Variants in FSTL5 observed in about 807,000 individuals in gnomAD.
FSTL5 encodes the protein follistatin-related protein 5.
Under a neutral mutation model 89.1 loss-of-function variants are expected in FSTL5, and 62 were observed. That is an observed-to-expected ratio of 0.70 (90% CI 0.57 to 0.86). The LOEUF is 0.86. Ranked by LOEUF, FSTL5 falls within the 40% of genes least tolerant of loss-of-function variation. The probability of loss-of-function intolerance (pLI) is 0.00; values close to 1 mark genes in which losing one functional copy is unlikely to be tolerated. For synonymous variants in FSTL5, 383 were observed against 346.2 expected (o/e 1.11, Z -1.18); for missense variants, 1,057 against 1,001.6 (o/e 1.06, Z -0.75).
chr4:161,888,941 C>T (rs369297100), intron 4 of FSTL5, among the ~76,000 whole-genome samples: 1 of 151,968 alleles, frequency 6.6e-6, no homozygotes, highest in East Asian at 1.9e-4. Flanking sequence ...AAGCATTTCA[C>T]AAAACATGGC....
chr4:161,730,006 G>A (rs1245956221), intron 6 of FSTL5, among the ~76,000 whole-genome samples: 1 of 152,156 alleles, frequency 6.6e-6, no homozygotes, highest in Admixed American at 6.5e-5. Flanking sequence ...TATTTTTCAT[G>A]AAAGTATAGG....
At position 161,586,908 on chromosome 4, in the gene FSTL5, A is replaced by T. The variant is rs551606468; in HGVS notation, c.1015+547T>A. Reference sequence around the variant, plus strand: ...AATAAATTATGGAAATGAAATATTTACTAATCAGTCATATGTGTAATCCTG... The same window carrying T: ...AATAAATTATGGAAATGAAATATTTTCTAATCAGTCATATGTGTAATCCTG... On this transcript the variant is annotated intron_variant, in intron 8 of 15. Coordinates refer to ENST00000306100, the MANE Select transcript of FSTL5 (RefSeq NM_020116.5). Among the ~76,000 whole-genome samples, 3 of 152,360 alleles carry T rather than the reference A, an allele frequency of 2.0e-5. No individual in the cohort carries two copies. The South Asian group carries it at 6.2e-4, about 32-fold the overall frequency.
intron 7 of FSTL5, among the ~76,000 whole-genome samples, chr4:161,629,191 A>G (rs928108218): frequency 5.3e-5 from 8 of 152,254 alleles, no homozygotes; most frequent in Middle Eastern, 3.4e-3. Flanking sequence ...TGCTTCCTTC[A>G]TGTTTTGACT....
intron 3 of FSTL5, among the ~76,000 whole-genome samples, chr4:162,025,782 T>C (rs1483655761): frequency 2.6e-5 from 4 of 151,984 alleles, no homozygotes; most frequent in African/African-American, 9.7e-5. Context: ...AACTCTAGTG[T>C]ATCATATTTA....
intron 2 of FSTL5, among the ~76,000 whole-genome samples, chr4:162,084,614 T>G (rs1730234896): frequency 6.6e-6 from 1 of 152,110 alleles, no homozygotes; most frequent in Non-Finnish European, 1.5e-5. Flanking sequence ...TTAGTTCATG[T>G]CCTTTGCAGG....
intron 7 of FSTL5, among the ~76,000 whole-genome samples, chr4:161,596,962 T>C (rs916230732): frequency 2.0e-5 from 3 of 152,144 alleles, no homozygotes; most frequent in African/African-American, 7.2e-5. Flanking sequence ...TGCAAAAATT[T>C]TCTCCCATTC....
intron 4 of FSTL5, among the ~76,000 whole-genome samples, chr4:161,831,278 C>T (rs190975233): frequency 2.6e-4 from 39 of 151,874 alleles, no homozygotes; most frequent in Admixed American, 1.9e-3. Flanking sequence ...CATTCTAAAA[C>T]TCCAATTAAT....
At chr4:161,878,709 A>G (rs1347125717) in intron 4 of FSTL5, among the ~76,000 whole-genome samples, 2 of 152,174 alleles carry the variant, frequency 1.3e-5, no homozygotes, top group Non-Finnish European at 2.9e-5. Flanking sequence ...CCAAAAGTGA[A>G]ACATCAGGTT....
chr4:161,704,724 T>C (rs1158794824), intron 6 of FSTL5, among the ~76,000 whole-genome samples: 6 of 152,076 alleles, frequency 3.9e-5, no homozygotes, highest in Non-Finnish European at 8.8e-5. Flanking sequence ...ATTAAATCCA[T>C]CAGTCAATTG....
chr4:161,955,591 C>A (rs1263403512), intron 3 of FSTL5, among the ~76,000 whole-genome samples: 3 of 151,670 alleles, frequency 2.0e-5, no homozygotes, highest in Non-Finnish European at 4.4e-5. Flanking sequence ...AATATATTAA[C>A]CTTAGCATTT....
At chr4:161,992,941 T>C (rs1560957773) in intron 3 of FSTL5, among the ~76,000 whole-genome samples, 77 of 3,926 alleles carry the variant, frequency 0.02, 1 homozygote, top group African/African-American at 0.027. Context: ...TATATATATA[T>C]GTGTGTATAT....
intron 2 of FSTL5, among the ~76,000 whole-genome samples, chr4:162,096,844 T>C (rs1027445893): frequency 2.0e-5 from 3 of 152,010 alleles, no homozygotes; most frequent in Non-Finnish European, 2.9e-5. Flanking sequence ...CAATATTCAA[T>C]TGATGAAATG....
intron 8 of FSTL5, among the ~76,000 whole-genome samples, chr4:161,546,075 T>C (rs1731995070): frequency 6.6e-6 from 1 of 151,554 alleles, no homozygotes; most frequent in African/African-American, 2.4e-5. Flanking sequence ...ATGCTATATT[T>C]TTAAATAACA....
At chr4:161,525,437 A>C (rs986218598) in intron 10 of FSTL5, among the ~76,000 whole-genome samples, 6 of 152,194 alleles carry the variant, frequency 3.9e-5, no homozygotes, top group African/African-American at 1.4e-4. Context: ...GTCAGAGGTA[A>C]TACTCCGTTG....
intron 13 of FSTL5, among the ~76,000 whole-genome samples, chr4:161,465,233 T>C (rs1251054705): frequency 1.3e-5 from 2 of 152,104 alleles, no homozygotes; most frequent in Non-Finnish European, 2.9e-5. Context: ...AGGATTCTCT[T>C]CCTGTAACTA....
intron 1 of FSTL5, among the ~76,000 whole-genome samples, chr4:162,154,910 T>C (rs2110745225): frequency 6.6e-6 from 1 of 152,120 alleles, no homozygotes; most frequent in South Asian, 2.1e-4. Flanking sequence ...CAAAAGCCAC[T>C]CCAGACTGTC....
At chr4:161,666,371 A>G (rs1193908814) in intron 6 of FSTL5, among the ~76,000 whole-genome samples, 1 of 152,206 alleles carries the variant, frequency 6.6e-6, no homozygotes, top group Non-Finnish European at 1.5e-5. Flanking sequence ...GCTTGAATTT[A>G]AAAGTCTAAT....
At chr4:161,597,489 G>T (rs1734060932) in intron 7 of FSTL5, among the ~76,000 whole-genome samples, 1 of 124,510 alleles carries the variant, frequency 8.0e-6, no homozygotes, top group Non-Finnish European at 1.6e-5. Flanking sequence ...TGGGGTGGGG[G>T]GAGGGGGAAG....
At chr4:161,556,597 TA>T (rs1732401099) in intron 8 of FSTL5, among the ~76,000 whole-genome samples, 1 of 151,480 alleles carries the variant, frequency 6.6e-6, no homozygotes, top group Non-Finnish European at 1.5e-5. Flanking sequence ...GACAACACTT[TA>T]AAATATAAAA....
Sources: allele counts gnomAD v4.1 joint callset (sites outside exome capture counted in the v4.1 genomes callset), GRCh38; gene constraint gnomAD v4.1.1; transcripts MANE v1.5; gene names NCBI Gene and HGNC (gene_info 2026-07-23, HGNC 2026-07-21).